Variants in CYB561A3 observed in about 807,000 individuals in gnomAD.
CYB561A3 encodes cytochrome b561 family member A3.
A neutral mutation model predicts 25.3 loss-of-function variants in CYB561A3; 16 were observed. The ratio of observed to expected loss-of-function variants is 0.63; its 90% CI spans 0.43 to 0.96. The LOEUF (loss-of-function observed/expected upper bound fraction) is 0.96, where lower values mean the gene tolerates loss of function less well. Ranked by LOEUF, CYB561A3 falls within the 40% of genes least tolerant of loss-of-function variation. CYB561A3 has a pLI of 0.00. For missense variants in CYB561A3, 219 were observed against 307.5 expected (o/e 0.71, Z 2.15); for synonymous variants, 131 against 129.9 (o/e 1.01, Z -0.06).
chr11:61,353,258 C>T (rs754347353), intron 4 of CYB561A3, 119 bp from the exon 5 acceptor site: 23 of 1,308,846 alleles, frequency 1.8e-5, no homozygotes, highest in Non-Finnish European at 2.1e-5. Context: ...CTCAAACCTT[C>T]CCACCTGGCA....
At chr11:61,360,096 G>C (rs966378206) in intron 1 of CYB561A3, 2 of 151,060 alleles carry the variant, frequency 1.3e-5, no homozygotes, top group African/African-American at 2.4e-5. Context: ...AAAAAAATTA[G>C]CTGGGCGTGA....
At position 61,348,862 on chromosome 11, in the gene CYB561A3, C is replaced by G. The variant is rs1047074198; in HGVS notation, c.*1537G>C. ...CTTCATAAACCAGTGAAATGCCTACCCCTATGGAGATGGGGAGCTGGTCAT... is the reference window on the plus strand; with the variant it reads ...CTTCATAAACCAGTGAAATGCCTACGCCTATGGAGATGGGGAGCTGGTCAT... On this transcript the variant is annotated 3_prime_UTR_variant, in exon 7 of 7. Coordinates refer to ENST00000294072, the MANE Select transcript of CYB561A3 (RefSeq NM_153611.6). 6.6e-6 allele frequency: 1 copy of G among 152,446 alleles called. No individual in the cohort carries two copies. Among genetic ancestry groups the G allele is most frequent in the Non-Finnish European group, 1.5e-5 (1 of 68,252 alleles). 9.4% of individuals were successfully genotyped at this position (152,446 alleles called of 1,614,324 possible).
Position 61,356,727 on chromosome 11 carries a change from T to A in CYB561A3, c.-14A>T. The A allele has an allele frequency of 1.9e-6, 3 of 1,612,554 alleles. No individual in the cohort carries two copies. Among genetic ancestry groups the A allele is most frequent in the Non-Finnish European group, 2.5e-6 (3 of 1,178,938 alleles). On this transcript the variant is annotated splice_region_variant and 5_prime_UTR_variant, in exon 3 of 7. Coordinates refer to ENST00000294072, the MANE Select transcript of CYB561A3 (RefSeq NM_153611.6). ...TCCAGACACCATTCTGATCACGCAC[T>A]CCTAGAAGAAGGAGAAGTCACAAAT...
chr11:61,352,939 T>C (rs1857482582), intron 5 of CYB561A3, 46 bp downstream of exon 5: 1 of 1,613,950 alleles, frequency 6.2e-7, no homozygotes, highest in African/African-American at 1.3e-5. Flanking sequence ...TTGAAGACCC[T>C]ATTCCCTCCT....
At chr11:61,354,249 T>C in intron 3 of CYB561A3, 3 of 514,044 alleles carry the variant, frequency 5.8e-6, no homozygotes, top group Non-Finnish European at 7.0e-6. Context: ...CAGCACTTTT[T>C]GGGAGGCCAA....
rs1857686512 is a variant in CYB561A3, at chr11:61,357,336, C to T, written c.-16+397G>A. 10 of 1,052,510 alleles carry T rather than the reference C, an allele frequency of 9.5e-6. No individual in the cohort carries two copies. In the South Asian group the frequency reaches 1.3e-4, roughly 13 times the overall value. 65.2% of individuals were successfully genotyped at this position (1,052,510 alleles called of 1,614,324 possible). A position where few individuals can be genotyped will look rare whatever the true frequency, so the allele number is the denominator to read the frequency against. Reference sequence around the variant, plus strand: ...CCTTGAACCAGCTGATGCCCCTCAGCTGTCTCCAGCCCTGAGACTTCTGCT... The same window carrying T: ...CCTTGAACCAGCTGATGCCCCTCAGTTGTCTCCAGCCCTGAGACTTCTGCT... On this transcript the variant is annotated intron_variant, in intron 2 of 6. Coordinates refer to ENST00000294072, the MANE Select transcript of CYB561A3 (RefSeq NM_153611.6).
At chr11:61,361,568 T>A (rs1481398560) in intron 1 of CYB561A3, among the ~76,000 whole-genome samples, 165 bp downstream of exon 1, 1 of 152,150 alleles carries the variant, frequency 6.6e-6, no homozygotes, top group African/African-American at 2.4e-5. Context: ...CTTTCGTGCC[T>A]TTATAACCAC....
chr11:61,350,876 G>C (rs1857372627), intron 6 of CYB561A3, 115 bp downstream of exon 6: 1 of 1,425,114 alleles, frequency 7.0e-7, no homozygotes. Flanking sequence ...CAAGTTACTT[G>C]GTTTCCTGCT....
intron 6 of CYB561A3, 34 bp downstream of exon 6, chr11:61,350,957 G>T (rs1344519389): frequency 1.9e-6 from 3 of 1,598,448 alleles, no homozygotes; most frequent in East Asian, 2.3e-5. Flanking sequence ...ACCTGGCCCT[G>T]TCCCACCCTG....
At chr11:61,354,140 C>A (rs1186089918) in intron 3 of CYB561A3, 148 bp from the exon 4 acceptor site, 5 of 767,914 alleles carry the variant, frequency 6.5e-6, no homozygotes, top group Non-Finnish European at 1.0e-5. Flanking sequence ...GCATCTTCTA[C>A]CCTCCCATGA....
chr11:61,355,054 G>A (rs1857594983), intron 3 of CYB561A3, among the ~76,000 whole-genome samples: 1 of 151,952 alleles, frequency 6.6e-6, no homozygotes, highest in Non-Finnish European at 1.5e-5. Context: ...ATTTTTAGTA[G>A]AGACGGGGTT....
intron 1 of CYB561A3, chr11:61,358,407 C>T (rs1236266602): frequency 8.0e-6 from 1 of 124,792 alleles, no homozygotes; most frequent in Non-Finnish European, 1.6e-5. Context: ...GCAATGAGAG[C>T]GAAACTTCAT....
chr11:61,351,166 T>C lies in CYB561A3; in HGVS notation c.549-19A>G, dbSNP rs1437439597. 1 of 1,601,378 alleles carries C rather than the reference T, an allele frequency of 6.2e-7. No homozygotes were observed. The highest frequency in any genetic ancestry group is 1.7e-5 in the Admixed American group (1 of 58,294). On this transcript the variant is annotated intron_variant, in intron 5 of 6. Transcript: ENST00000294072. ...GTTTTTCCTGAAGATGACAAAACAA[T>C]GTGAGCCCTCGAGAGATTTTTCCAC...
At position 61,356,742 on chromosome 11, in the gene CYB561A3, A is replaced by C. The variant is rs1436515472; in HGVS notation, c.-15-14T>G. 6.2e-7 allele frequency: 1 copy of C among 1,611,288 alleles called. No individual in the cohort carries two copies. The highest frequency in any genetic ancestry group is 8.5e-7 in the Non-Finnish European group (1 of 1,178,048). The stretch of plus-strand genomic sequence containing the variant: ...GATCACGCACTCCTAGAAGAAGGAG[A>C]AGTCACAAATCTCCACTGGCTCAGA... On this transcript the variant is annotated splice_polypyrimidine_tract_variant and intron_variant, in intron 2 of 6. Transcript: ENST00000294072.
chr11:61,349,474 G>C lies in CYB561A3; in HGVS notation c.*925C>G. 1.4e-6 allele frequency: 1 copy of C among 694,186 alleles called. No individual in the cohort carries two copies. The allele number at this position is 694,186 out of a possible 1,614,324, so 43.0% of individuals were successfully genotyped here. On this transcript the variant is annotated 3_prime_UTR_variant, in exon 7 of 7. Coordinates refer to ENST00000294072, the MANE Select transcript of CYB561A3 (RefSeq NM_153611.6). The stretch of plus-strand genomic sequence containing the variant: ...CAGGAAGGCCCTGATCCAGCAAGGA[G>C]AAGTAGAGGAAGTCCACAGCCACCT...
At position 61,356,722 on chromosome 11, in the gene CYB561A3, CG is replaced by C; in HGVS notation, c.-10del. ...AACCGTCCAGACACCATTCTGATCA[CG>C]CACTCCTAGAAGAAGGAGAAGTCAC... On this transcript the variant is annotated 5_prime_UTR_variant, in exon 3 of 7. Transcript: ENST00000294072. 1 of 1,613,708 alleles carries C rather than the reference CG, an allele frequency of 6.2e-7. No homozygotes were observed. Among genetic ancestry groups the C allele is most frequent in the Non-Finnish European group, 8.5e-7 (1 of 1,179,744 alleles).
chr11:61,349,837 G>C lies in CYB561A3; in HGVS notation c.*562C>G. ...CTGGATGGCAGAGCAGATGAAGCCTGCTCTGTGGCGGGGCAGCCTAACTGA... is the reference window on the plus strand; with the variant it reads ...CTGGATGGCAGAGCAGATGAAGCCTCCTCTGTGGCGGGGCAGCCTAACTGA... On this transcript the variant is annotated 3_prime_UTR_variant, in exon 7 of 7. Transcript: ENST00000294072. The C allele has an allele frequency of 1.7e-6, 1 of 583,534 alleles. No homozygotes were observed. Among genetic ancestry groups the C allele is most frequent in the Admixed American group, 2.9e-5 (1 of 34,774 alleles). The allele number at this position is 583,534 out of a possible 1,614,324, so 36.1% of individuals were successfully genotyped here.
chr11:61,357,238 T>C (rs1371177038), intron 2 of CYB561A3: 10 of 1,551,130 alleles, frequency 6.4e-6, no homozygotes, highest in Non-Finnish European at 8.7e-6. Flanking sequence ...TTCTTCCCCA[T>C]AGAGTAAGCT....
intron 4 of CYB561A3, 114 bp from the exon 5 acceptor site, chr11:61,353,253 AC>A: frequency 2.3e-6 from 3 of 1,332,146 alleles, no homozygotes; most frequent in Non-Finnish European, 3.0e-6. Context: ...CACAACTCAA[AC>A]CTTCCCACCT....
Sources: gnomAD v4.1 joint callset for allele counts (sites outside exome capture counted in the v4.1 genomes callset) on GRCh38, gnomAD v4.1.1 for gene constraint, MANE v1.5 for transcripts, NCBI Gene and HGNC (gene_info 2026-07-23, HGNC 2026-07-21) for gene names.